FAXC: variants seen among roughly 807,000 people sequenced by gnomAD.
The protein encoded by FAXC is failed axon connections homolog.
In FAXC, 10 loss-of-function variants were observed where a neutral mutation model predicts 41.9. The observed-to-expected ratio is 0.24, with a 90% CI of 0.15 to 0.41. The LOEUF (loss-of-function observed/expected upper bound fraction) is 0.41. Ranked by LOEUF, FAXC falls within the 10% of genes least tolerant of loss-of-function variation. The probability of loss-of-function intolerance (pLI) is 1.00; values close to 1 mark genes in which losing one functional copy is unlikely to be tolerated. For synonymous variants in FAXC, 183 were observed against 183.8 expected (o/e 1.00, Z 0.03); for missense variants, 399 against 510.9 (o/e 0.78, Z 2.11).
At chr6:99,293,665 AGTGTGTGTGTGTGT>A (rs55827992) in intron 4 of FAXC, among the ~76,000 whole-genome samples, 8,148 of 123,232 alleles carry the variant, frequency 0.066, 640 homozygotes, top group East Asian at 0.44. Flanking sequence ...CTCTATACAC[AGTGTGTGTGTGTGT>A]GTGTGTGTGT....
chr6:99,323,718 TC>T, intron 3 of FAXC, 51 bp from the exon 4 acceptor site: 1 of 1,384,574 alleles, frequency 7.2e-7, no homozygotes, highest in Non-Finnish European at 1.0e-6. Flanking sequence ...ACATATCAGC[TC>T]CACAGGGTCA....
intron 2 of FAXC, among the ~76,000 whole-genome samples, chr6:99,336,906 A>G (rs779305252): frequency 3.3e-5 from 5 of 152,204 alleles, no homozygotes; most frequent in Non-Finnish European, 7.3e-5. Context: ...GTAAATATCT[A>G]TCTATTACAT....
chr6:99,291,940 C>G (rs1223559421), intron 4 of FAXC, 120 bp from the exon 5 acceptor site: 1 of 753,502 alleles, frequency 1.3e-6, no homozygotes, highest in Non-Finnish European at 2.4e-6. Context: ...TTTGCAGAAT[C>G]GAAATACATG....
chr6:99,306,031 G>A lies in FAXC; in HGVS notation c.824-14211C>T, dbSNP rs1771906453. On this transcript the variant is annotated intron_variant, in intron 4 of 5. Transcript: ENST00000389677. Reference sequence around the variant, plus strand: ...GCAGAGAATTAAAGCAAGGTGATGTGATAGAGGGTGGCTGGCAGCTACATT... The same window carrying A: ...GCAGAGAATTAAAGCAAGGTGATGTAATAGAGGGTGGCTGGCAGCTACATT... Among the ~76,000 whole-genome samples the A allele has an allele frequency of 2.0e-5, 3 of 152,152 alleles. No individual in the cohort carries two copies. The South Asian group carries it at 6.2e-4, about 32-fold the overall frequency.
rs1181808037 is a variant in FAXC, at chr6:99,289,713, GTGTGTGTA to G, written c.940+1983_940+1990del. Reference sequence around the variant, plus strand: ...TATGTGTGTGTGTGTGTGTGTGTGTGTGTGTGTATATATATATATAGTCCAAAATGCAC... The same window carrying G: ...TATGTGTGTGTGTGTGTGTGTGTGTGTATATATATATAGTCCAAAATGCAC... On this transcript the variant is annotated intron_variant, in intron 5 of 5. Coordinates refer to ENST00000389677, the MANE Select transcript of FAXC (RefSeq NM_032511.4). 3.3e-3 allele frequency among the ~76,000 whole-genome samples: 486 copies of G among 148,620 alleles called. 3 individuals are homozygous for G. The highest frequency in any genetic ancestry group is 0.011 in the African/African-American group (457 of 39,890).
chr6:99,296,797 T>C lies in FAXC; in HGVS notation c.824-4977A>G, dbSNP rs142291673. Among the ~76,000 whole-genome samples, 272 of 152,240 alleles carry C rather than the reference T, an allele frequency of 1.8e-3. 3 individuals are homozygous for C. Among genetic ancestry groups the C allele is most frequent in the African/African-American group, 6.2e-3 (258 of 41,548 alleles). ...GCCAGAGGGAGGAGCCAAGTGGATC[T>C]GGAGAAGGAGAGCCCATAGGGGGAG... On this transcript the variant is annotated intron_variant, in intron 4 of 5. Transcript: ENST00000389677.
intron 2 of FAXC, among the ~76,000 whole-genome samples, chr6:99,341,468 C>G (rs996632710): frequency 6.6e-6 from 1 of 152,064 alleles, no homozygotes; most frequent in Non-Finnish European, 1.5e-5. Context: ...ATCTCAATAT[C>G]TGATAACACA....
rs570343060 is a variant in FAXC at position 99,309,456 on chromosome 6, T to C, written c.823+13988A>G. Among the ~76,000 whole-genome samples the C allele has an allele frequency of 2.1e-4, 32 of 152,326 alleles. 1 individual carries two copies. The East Asian group carries it at 6.0e-3, about 28-fold the overall frequency. On this transcript the variant is annotated intron_variant, in intron 4 of 5. Coordinates refer to ENST00000389677, the MANE Select transcript of FAXC (RefSeq NM_032511.4). ...TTTTATTCTGCTAAAACTAATTTTT[T>C]CATTTTCATGAATAATCAACATAGT... is the stretch of plus-strand genomic sequence containing the variant.
intron 2 of FAXC, among the ~76,000 whole-genome samples, chr6:99,336,035 T>A (rs1015229433): frequency 3.9e-5 from 6 of 152,124 alleles, no homozygotes; most frequent in Admixed American, 3.9e-4. Context: ...GATCTTTTTT[T>A]CCCATACATT....
chr6:99,328,401 C>T (rs1230345231), intron 3 of FAXC, among the ~76,000 whole-genome samples: 1 of 152,176 alleles, frequency 6.6e-6, no homozygotes, highest in Non-Finnish European at 1.5e-5. Context: ...AGAAAGATGA[C>T]CATCTATGAG....
chr6:99,348,640 G>C (rs1333429099), intron 1 of FAXC, among the ~76,000 whole-genome samples: 1 of 152,214 alleles, frequency 6.6e-6, no homozygotes, highest in Non-Finnish European at 1.5e-5. Context: ...GGACCCGCAG[G>C]TTTCTGGAGC....
chr6:99,315,834 T>C (rs1772329526), intron 4 of FAXC, among the ~76,000 whole-genome samples: 1 of 152,228 alleles, frequency 6.6e-6, no homozygotes, highest in Admixed American at 6.5e-5. Flanking sequence ...CAGATATTTA[T>C]TGACCACCAC....
intron 4 of FAXC, among the ~76,000 whole-genome samples, chr6:99,307,551 G>A (rs1771973597): frequency 6.6e-6 from 1 of 152,174 alleles, no homozygotes; most frequent in Non-Finnish European, 1.5e-5. Context: ...TGTGGCAGCA[G>A]TGGGGAGGTC....
intron 3 of FAXC, among the ~76,000 whole-genome samples, chr6:99,326,085 C>T (rs1286100374): frequency 6.6e-6 from 1 of 152,196 alleles, no homozygotes. Flanking sequence ...CTGGAGGCGC[C>T]GGCAAGGGCA....
intron 3 of FAXC, among the ~76,000 whole-genome samples, chr6:99,331,015 G>T (rs1031337944): frequency 6.6e-6 from 1 of 152,184 alleles, no homozygotes; most frequent in African/African-American, 2.4e-5. Flanking sequence ...AAAGCAAGAA[G>T]TTGGCTAAAG....
intron 4 of FAXC, among the ~76,000 whole-genome samples, chr6:99,295,165 G>C (rs1028750918): frequency 6.6e-6 from 1 of 152,166 alleles, no homozygotes; most frequent in African/African-American, 2.4e-5. Context: ...CAAAAATATA[G>C]GTGGAATTTA....
intron 4 of FAXC, among the ~76,000 whole-genome samples, chr6:99,297,103 T>C (rs1475699393): frequency 6.6e-6 from 1 of 152,202 alleles, no homozygotes; most frequent in Non-Finnish European, 1.5e-5. Flanking sequence ...TCATTGGTTA[T>C]AAGCCTTTAG....
intron 4 of FAXC, chr6:99,310,049 T>C (rs1343070116): frequency 5.0e-6 from 1 of 200,886 alleles, no homozygotes; most frequent in African/African-American, 2.4e-5. Context: ...AATAACTCAC[T>C]CTCGGAGCTG....
intron 4 of FAXC, among the ~76,000 whole-genome samples, chr6:99,295,740 T>G (rs2128451465): frequency 6.6e-6 from 1 of 152,354 alleles, no homozygotes; most frequent in Non-Finnish European, 1.5e-5. Context: ...GTCCTATATC[T>G]TATGACTGTG....
Sources: gnomAD v4.1 joint callset for allele counts (sites outside exome capture counted in the v4.1 genomes callset) on GRCh38, gnomAD v4.1.1 for gene constraint, MANE v1.5 for transcripts, NCBI Gene and HGNC (gene_info 2026-07-23, HGNC 2026-07-21) for gene names.